IRAG1: variants seen among roughly 807,000 people sequenced by gnomAD.
IRAG1 encodes the protein inositol 1,4,5-triphosphate receptor associated 1, also known as IP3R-associated cGMP kinase substrate.
Under a neutral mutation model 106.2 loss-of-function variants are expected in IRAG1, and 62 were observed. The ratio of observed to expected loss-of-function variants is 0.58; its 90% CI spans 0.48 to 0.72. IRAG1 has a LOEUF of 0.72. IRAG1 is among the 30% of genes least tolerant of loss of function. The pLI, the probability that IRAG1 is intolerant of heterozygous loss-of-function variation, is 0.00. For missense variants in IRAG1, 1,064 were observed against 1,140.7 expected, an observed-to-expected ratio of 0.93 and a Z score of 0.97; for synonymous variants, 462 against 443.9, an observed-to-expected ratio of 1.04 and a Z score of -0.51.
At chr11:10,693,162 G>A (rs184496895) in intron 1 of IRAG1, among the ~76,000 whole-genome samples, 41 of 152,228 alleles carry the variant, frequency 2.7e-4, no homozygotes, top group African/African-American at 9.1e-4. Context: ...GCACAGAGGG[G>A]AGAAAGCTCT....
intron 17 of IRAG1, 126 bp downstream of exon 17, chr11:10,593,366 A>G (rs72862310): frequency 0.016 from 11,000 of 672,016 alleles, 121 homozygotes; most frequent in African/African-American, 0.029. Flanking sequence ...CTCAGATTCT[A>G]TTCTGGAAAT....
rs542222285 is a variant in IRAG1 at position 10,607,470 on chromosome 11, G to A, written c.1572-698C>T. Among the ~76,000 whole-genome samples, 8 of 152,330 alleles carry A rather than the reference G, an allele frequency of 5.3e-5. No individual in the cohort carries two copies. The South Asian group carries it at 1.4e-3, about 28-fold the overall frequency. ...CGTCTGTGGCGTTCCCACAGCCAGG[G>A]CTCTCCAGCTATAGGCAGTCCCTGC... On this transcript the variant is annotated intron_variant, in intron 11 of 20. Coordinates refer to ENST00000423302, the MANE Select transcript of IRAG1 (RefSeq NM_130385.4).
chr11:10,604,070 A>G (rs10840445), intron 13 of IRAG1, among the ~76,000 whole-genome samples: 75,919 of 152,040 alleles, frequency 0.5, 19,507 homozygotes, highest in East Asian at 0.71. Context: ...TGGCCTCTGC[A>G]GGGCCTGGGC....
chr11:10,603,316 C>G, intron 13 of IRAG1, 65 bp from the exon 14 acceptor site: 2 of 1,569,618 alleles, frequency 1.3e-6, no homozygotes, highest in Non-Finnish European at 1.7e-6. Flanking sequence ...TCAGCAGTCC[C>G]CAACCTTTTC....
Position 10,687,876 on chromosome 11 carries a change from T to TGGC in IRAG1, c.67+5659_67+5660insGCC, listed in dbSNP as rs1554937154. 6 of 964,116 alleles carry TGGC rather than the reference T, an allele frequency of 6.2e-6. No homozygotes were observed. The African/African-American group carries it at 1.1e-4, about 18-fold the overall frequency. The allele number at this position is 964,116 out of a possible 1,614,324, so 59.7% of individuals were successfully genotyped here. A position where few individuals can be genotyped will look rare whatever the true frequency, so the allele number is the denominator to read the frequency against. On this transcript the variant is annotated intron_variant, in intron 1 of 20. Transcript: ENST00000423302. ...TAAGGGATTTAGCTTTGCTTTTTTT[T>TGGC]GGGGGGGGGTGGTATTTAACTTTGT...
chr11:10,601,318 G>A (rs139571463), intron 14 of IRAG1, among the ~76,000 whole-genome samples: 3 of 152,102 alleles, frequency 2.0e-5, no homozygotes, highest in African/African-American at 4.8e-5. Context: ...TGCAGAGAAC[G>A]GGTCAGGGGA....
At position 10,600,924 on chromosome 11, in the gene IRAG1, G is replaced by T. The variant is rs1397488025; in HGVS notation, c.2011C>A (p.Pro671Thr). 2 of 1,614,030 alleles carry T rather than the reference G, an allele frequency of 1.2e-6. No homozygotes were observed. The highest frequency in any genetic ancestry group is 1.7e-6 in the Non-Finnish European group (2 of 1,179,896). Reference sequence around the variant, plus strand: ...CAGGAGCCTAGGTCCTTACCAGAGGGGCCACAGCTGCGGCTTGAATTCTGA... The same window carrying T: ...CAGGAGCCTAGGTCCTTACCAGAGGTGCCACAGCTGCGGCTTGAATTCTGA... ...ANQNSSRSCG[P>T]SEDGVPRTAR... is the part of the protein sequence containing the mutation. Residue 671 changes from proline to threonine, a missense_variant, in exon 15 of 21, where the codon CCC (proline) becomes ACC (threonine). By Grantham distance (38) the Pro-to-Thr change is conservative (BLOSUM62 -1). Transcript: ENST00000423302.
intron 10 of IRAG1, 65 bp downstream of exon 10, chr11:10,623,713 C>G: frequency 6.9e-7 from 1 of 1,459,406 alleles, no homozygotes; most frequent in Non-Finnish European, 9.6e-7. Context: ...ACACATTCAC[C>G]TTCCTTGATC....
rs772417763 is a variant in IRAG1, at chr11:10,659,824, C to T, written c.68-7642G>A. ...ATAGCAGCAAAGTATCTGAGCCTCC[C>T]ATTTAGCGCCTAGCAGATATAAATC... On this transcript the variant is annotated intron_variant, in intron 1 of 20. Transcript: ENST00000423302. The surrounding 1 kb of genome is among the most constrained non-coding windows in gnomAD (Gnocchi z 4.1). 6.6e-6 allele frequency among the ~76,000 whole-genome samples: 1 copy of T among 152,152 alleles called. No individual in the cohort carries two copies. Among genetic ancestry groups the T allele is most frequent in the South Asian group, 2.1e-4 (1 of 4,798 alleles).
chr11:10,644,528 T>A (rs1035977331), intron 2 of IRAG1, among the ~76,000 whole-genome samples: 2 of 152,220 alleles, frequency 1.3e-5, no homozygotes, highest in African/African-American at 2.4e-5. Flanking sequence ...GTGAGTATAG[T>A]GCCCTTACCT....
chr11:10,680,344 G>GGAAGGAAGGAAAGAAAGAAAGAAAGAAA (rs1861071125), intron 1 of IRAG1, among the ~76,000 whole-genome samples: 1 of 67,970 alleles, frequency 1.5e-5, no homozygotes. Context: ...AAGGAAGGAA[G>GGAAGGAAGGAAAGAAAGAAAGAAAGAAA]GAAAGAAAGA....
rs746132888 is a variant in IRAG1, at chr11:10,603,161, G to A, written c.1834C>T (p.Arg612Cys). 5.5e-5 allele frequency: 89 copies of A among 1,607,618 alleles called. 1 individual carries two copies. The East Asian group carries it at 5.6e-4, about 10-fold the overall frequency. ...ACCACCTCAGCTCGGCTGGAGAGGC[G>A]GGCAGCCAGGCGGTGCAGGACAGCG... ...DIAVLHRLAA[R>C]LSSRAEVVGA... is the part of the protein sequence containing the mutation. The change falls in exon 14 of 21, where the codon CGC becomes TGC. Residue 612 changes from arginine to cysteine, a missense_variant. By Grantham distance (180) the Arg-to-Cys change is radical (BLOSUM62 -3). Coordinates refer to ENST00000423302, the MANE Select transcript of IRAG1 (RefSeq NM_130385.4).
rs573732931 is a variant in IRAG1 at position 10,664,385 on chromosome 11, G to C, written c.68-12203C>G. On this transcript the variant is annotated intron_variant, in intron 1 of 20. Coordinates refer to ENST00000423302, the MANE Select transcript of IRAG1 (RefSeq NM_130385.4). ...GGGCTGGGCTGCTGGGCAAAGTCTG[G>C]TGTAAAGCATGCTACAGAAAGCTAC... is the stretch of plus-strand genomic sequence containing the variant. Among the ~76,000 whole-genome samples the C allele has an allele frequency of 3.3e-5, 5 of 152,336 alleles. No homozygotes were observed. The South Asian group carries it at 8.3e-4, about 25-fold the overall frequency.
chr11:10,610,344 A>G (rs541421405), intron 10 of IRAG1, among the ~76,000 whole-genome samples: 1 of 152,364 alleles, frequency 6.6e-6, no homozygotes, highest in African/African-American at 2.4e-5. Flanking sequence ...GAGATTTTCC[A>G]GAGTAAACCT....
Position 10,627,699 on chromosome 11 carries a change from G to T in IRAG1, c.750+17C>A. Reference sequence around the variant, plus strand: ...CCCACACTCAAATCATCCAAAGGGAGCAAAGCTCAAACTCACAGGCTCGCC... The same window carrying T: ...CCCACACTCAAATCATCCAAAGGGATCAAAGCTCAAACTCACAGGCTCGCC... On this transcript the variant is annotated intron_variant, in intron 8 of 20. Coordinates refer to ENST00000423302, the MANE Select transcript of IRAG1 (RefSeq NM_130385.4). 6.2e-7 allele frequency: 1 copy of T among 1,613,966 alleles called. No individual in the cohort carries two copies. Among genetic ancestry groups the T allele is most frequent in the Non-Finnish European group, 8.5e-7 (1 of 1,179,864 alleles).
In IRAG1 at chr11:10,626,218, G is replaced by C. The variant is rs761428848; in HGVS notation, c.1116C>G (p.Pro372=). 1 of 1,591,530 alleles carries C rather than the reference G, an allele frequency of 6.3e-7. No individual in the cohort carries two copies. Among genetic ancestry groups the C allele is most frequent in the African/African-American group, 1.3e-5 (1 of 74,324 alleles). Residue 372 remains proline, a synonymous_variant, in exon 9 of 21, where the codon CCC becomes CCG. Transcript: ENST00000423302. ...GRGPAGEPMG[P]EAGSKAELPP... is the part of the protein sequence containing the mutation. ...GAAGCTCAGCTTTGGAGCCAGCCTC[G>C]GGCCCCATCGGCTCTCCAGCTGGGC...
intron 12 of IRAG1, among the ~76,000 whole-genome samples, chr11:10,606,309 G>A (rs1050651295): frequency 3.9e-5 from 6 of 152,198 alleles, no homozygotes; most frequent in African/African-American, 7.2e-5. Flanking sequence ...TCCCGGCTCC[G>A]CTGAGCTGGC....
At chr11:10,672,420 A>T (rs1052944837) in intron 1 of IRAG1, among the ~76,000 whole-genome samples, 1 of 152,242 alleles carries the variant, frequency 6.6e-6, no homozygotes, top group Non-Finnish European at 1.5e-5. Context: ...CAGAATAGAA[A>T]AAAATTTGCA....
chr11:10,684,474 G>A (rs138333990), intron 1 of IRAG1, among the ~76,000 whole-genome samples: 2 of 151,880 alleles, frequency 1.3e-5, no homozygotes, highest in Non-Finnish European at 2.9e-5. Flanking sequence ...GGGAGAGCGG[G>A]GAGGGAGAGC....
Sources: allele counts gnomAD v4.1 joint callset (sites outside exome capture counted in the v4.1 genomes callset), GRCh38; gene constraint gnomAD v4.1.1; non-coding constraint Gnocchi (gnomAD v3.1); transcripts MANE v1.5; gene names NCBI Gene and HGNC (gene_info 2026-07-23, HGNC 2026-07-21).